Variants in NEK1 observed in about 807,000 individuals in gnomAD.
NEK1 encodes serine/threonine-protein kinase Nek1.
NEK1 carries 137 observed loss-of-function variants against 182.1 expected under a neutral mutation model. That is an observed-to-expected ratio of 0.75 (90% CI 0.65 to 0.87). The LOEUF (loss-of-function observed/expected upper bound fraction) is 0.87, where lower values mean the gene tolerates loss of function less well. Among genes scored for constraint, NEK1 ranks in the 40% least tolerant of loss-of-function variants. The pLI is 0.00. For synonymous variants in NEK1, 513 were observed against 492.2 expected, an observed-to-expected ratio of 1.04 and a Z score of -0.56; for missense variants, 1,391 against 1,494.4, an observed-to-expected ratio of 0.93 and a Z score of 1.14.
At chr4:169,581,888 T>G (rs1766714137) in intron 10 of NEK1, among the ~76,000 whole-genome samples, 1 of 152,182 alleles carries the variant, frequency 6.6e-6, no homozygotes, top group African/African-American at 2.4e-5. Context: ...ATAACTAATT[T>G]TATTAAGTTA....
intron 2 of NEK1, among the ~76,000 whole-genome samples, chr4:169,605,363 G>A (rs115532888): frequency 0.012 from 1,794 of 152,220 alleles, 12 homozygotes; most frequent in Non-Finnish European, 0.017. Flanking sequence ...CATCAAATAT[G>A]TCAAATGCAG....
intron 29 of NEK1, among the ~76,000 whole-genome samples, chr4:169,428,499 G>T (rs1434386352): frequency 6.6e-6 from 1 of 151,784 alleles, no homozygotes. Flanking sequence ...ATATGATTCT[G>T]TAAGAAAAAT....
chr4:169,460,665 T>G (rs375387505), intron 27 of NEK1, among the ~76,000 whole-genome samples: 1 of 152,164 alleles, frequency 6.6e-6, no homozygotes, highest in Non-Finnish European at 1.5e-5. Flanking sequence ...GATTGGACTT[T>G]AAGTAAAAAG....
At chr4:169,478,883 C>CT (rs1435211101) in intron 24 of NEK1, among the ~76,000 whole-genome samples, 1 of 152,036 alleles carries the variant, frequency 6.6e-6, no homozygotes, top group African/African-American at 2.4e-5. Context: ...GTCTATGTTT[C>CT]TTTGTTTTAC....
At chr4:169,424,510 G>GT (rs1283244382) in intron 31 of NEK1, 43 bp downstream of exon 31, 1 of 1,515,712 alleles carries the variant, frequency 6.6e-7, no homozygotes, top group Non-Finnish European at 8.8e-7. Context: ...AATAATACAT[G>GT]TTATCGAATG....
At chr4:169,569,627 G>A (rs1764328611) in intron 12 of NEK1, among the ~76,000 whole-genome samples, 1 of 151,654 alleles carries the variant, frequency 6.6e-6, no homozygotes, top group African/African-American at 2.4e-5. Flanking sequence ...GAGTGCCTGC[G>A]ATTGCAGGCG....
At chr4:169,501,054 T>C (rs1752334259) in intron 23 of NEK1, among the ~76,000 whole-genome samples, 1 of 152,162 alleles carries the variant, frequency 6.6e-6, no homozygotes, top group South Asian at 2.1e-4. Flanking sequence ...TGTAAAGGGA[T>C]GGAGAAAGAT....
intron 18 of NEK1, chr4:169,554,631 A>T (rs1761905564): frequency 6.6e-6 from 1 of 152,180 alleles, no homozygotes; most frequent in South Asian, 2.1e-4. Flanking sequence ...TGAAGGCAGT[A>T]AAGCAACCAG....
chr4:169,482,944 A>G (rs1281153675), intron 23 of NEK1, among the ~76,000 whole-genome samples: 1 of 152,060 alleles, frequency 6.6e-6, no homozygotes, highest in Non-Finnish European at 1.5e-5. Flanking sequence ...CTGGGGTAGC[A>G]CTTTTAATTT....
At chr4:169,419,319 T>C (rs894982967) in intron 31 of NEK1, among the ~76,000 whole-genome samples, 1 of 151,880 alleles carries the variant, frequency 6.6e-6, no homozygotes, top group Non-Finnish European at 1.5e-5. Flanking sequence ...GAAAACACTT[T>C]CATACAAACA....
intron 18 of NEK1, among the ~76,000 whole-genome samples, chr4:169,550,752 T>C (rs192470187): frequency 1.3e-5 from 2 of 152,318 alleles, no homozygotes; most frequent in East Asian, 1.9e-4. Context: ...AATAGTGGCA[T>C]AACTAATGCC....
intron 27 of NEK1, among the ~76,000 whole-genome samples, chr4:169,446,310 C>T (rs184132559): frequency 5.3e-5 from 8 of 151,336 alleles, no homozygotes; most frequent in African/African-American, 1.2e-4. Flanking sequence ...AGAGTGAAGA[C>T]CCAAATAAAG....
intron 5 of NEK1, among the ~76,000 whole-genome samples, chr4:169,591,162 T>C (rs1768431287): frequency 1.4e-5 from 2 of 148,084 alleles, no homozygotes; most frequent in South Asian, 4.6e-4. Flanking sequence ...CCCACTTCTT[T>C]AGGGATAGGG....
intron 3 of NEK1, 41 bp downstream of exon 3, chr4:169,602,473 C>A (rs570356494): frequency 2.9e-6 from 3 of 1,051,212 alleles, no homozygotes; most frequent in Non-Finnish European, 4.4e-6. Flanking sequence ...TCTATTGTAA[C>A]TAAACCATTA....
At position 169,555,923 on chromosome 4, in the gene NEK1, T is replaced by G; in HGVS notation, c.1430+9A>C. On this transcript the variant is annotated intron_variant, in intron 17 of 35. Transcript: ENST00000507142. ...AAGCATAAGCAACTTCTGCAGAACA[T>G]AGCCATACCTTTCTGGAAGACCTCG... 2 of 1,613,526 alleles carry G rather than the reference T, an allele frequency of 1.2e-6. No individual in the cohort carries two copies. Among genetic ancestry groups the G allele is most frequent in the Non-Finnish European group, 1.7e-6 (2 of 1,179,582 alleles).
At chr4:169,611,366 C>T (rs1328675444) in intron 2 of NEK1, among the ~76,000 whole-genome samples, 1 of 152,130 alleles carries the variant, frequency 6.6e-6, no homozygotes, top group Non-Finnish European at 1.5e-5. Context: ...TAAAACCAGA[C>T]AAATGTAAAC....
At chr4:169,504,058 G>A (rs1752834370) in intron 23 of NEK1, among the ~76,000 whole-genome samples, 2 of 151,936 alleles carry the variant, frequency 1.3e-5, no homozygotes, top group Admixed American at 1.3e-4. Context: ...ATTTAAAATG[G>A]GCAAAAGATC....
At chr4:169,449,939 T>C (rs948679227) in intron 27 of NEK1, among the ~76,000 whole-genome samples, 1 of 152,184 alleles carries the variant, frequency 6.6e-6, no homozygotes, top group African/African-American at 2.4e-5. Context: ...GAAGAAAGAT[T>C]AGAAGAATGG....
intron 27 of NEK1, among the ~76,000 whole-genome samples, chr4:169,445,047 A>C (rs965872112): frequency 6.6e-6 from 1 of 152,188 alleles, no homozygotes; most frequent in East Asian, 1.9e-4. Flanking sequence ...GGATTTCATG[A>C]AACAAATGGG....
Sources: gnomAD v4.1 joint callset for allele counts (sites outside exome capture counted in the v4.1 genomes callset) on GRCh38, gnomAD v4.1.1 for gene constraint, MANE v1.5 for transcripts, NCBI Gene and HGNC (gene_info 2026-07-23, HGNC 2026-07-21) for gene names.